Variants in SEL1L3 observed in about 807,000 individuals in gnomAD.
The protein encoded by SEL1L3 is protein sel-1 homolog 3.
SEL1L3 carries 76 observed loss-of-function variants against 142.8 expected under a neutral mutation model. The observed-to-expected ratio is 0.53, with a 90% CI of 0.44 to 0.64. SEL1L3 has a LOEUF of 0.64. Among genes scored for constraint, SEL1L3 ranks in the 30% least tolerant of loss-of-function variants. The pLI, the probability that SEL1L3 is intolerant of heterozygous loss-of-function variation, is 0.00. For synonymous variants in SEL1L3, 504 were observed against 519.6 expected (o/e 0.97, Z 0.41); for missense variants, 1,262 against 1,381.7 (o/e 0.91, Z 1.37).
chr4:25,738,831 A>G, the SEL1L3 span, among the ~76,000 whole-genome samples: 1 of 152,174 alleles, frequency 6.6e-6, no homozygotes, highest in African/African-American at 2.4e-5. Context: ...TGGTCACACT[A>G]ATGCATTTGA....
At chr4:25,737,087 C>T in the SEL1L3 span, among the ~76,000 whole-genome samples, 3 of 151,834 alleles carry the variant, frequency 2.0e-5, no homozygotes, top group African/African-American at 7.3e-5. Flanking sequence ...TGGGTTCAAG[C>T]GATTCTCCCA....
At chr4:25,851,748 G>T (rs530210180) in intron 1 of SEL1L3, among the ~76,000 whole-genome samples, 1 of 151,986 alleles carries the variant, frequency 6.6e-6, no homozygotes, top group Non-Finnish European at 1.5e-5. Context: ...TATTAACCGG[G>T]CGTGGTGGCA....
chr4:25,804,715 A>T lies in SEL1L3; in HGVS notation c.1602T>A (p.Gly534=), dbSNP rs1383921775. ...RNQNESVSEI[G]GKIFEKAVKR... is the part of the protein sequence containing the mutation. ...TTACAGCCTTCTCAAATATCTTCCC[A>T]CCGATTTCTGATACAGATTCATTTT... The change falls in exon 10 of 24, where the codon GGT becomes GGA. Residue 534 remains glycine, a synonymous_variant. Transcript: ENST00000399878. 6.2e-7 allele frequency: 1 copy of T among 1,613,776 alleles called. No individual in the cohort carries two copies. The highest frequency in any genetic ancestry group is 2.2e-5 in the East Asian group (1 of 44,884).
chr4:25,714,115 A>T, the SEL1L3 span, among the ~76,000 whole-genome samples: 2 of 152,104 alleles, frequency 1.3e-5, no homozygotes, highest in Non-Finnish European at 2.9e-5. Flanking sequence ...TTCCAAAAAA[A>T]TTTTAAAATT....
rs1577714403 is a variant in SEL1L3 at position 25,862,812 on chromosome 4, C to T, written c.25G>A (p.Gly9Arg). The T allele has an allele frequency of 1.7e-6, 2 of 1,151,306 alleles. No homozygotes were observed. Among genetic ancestry groups the T allele is most frequent in the Non-Finnish European group, 2.1e-6 (2 of 937,630 alleles). The allele number at this position is 1,151,306 out of a possible 1,614,324, so 71.3% of individuals were successfully genotyped here. A position where few individuals can be genotyped will look rare whatever the true frequency, so the allele number is the denominator to read the frequency against. The stretch of plus-strand genomic sequence containing the variant: ...TGCTGCTGCTGCTGCCGCGGCCACC[C>T]GAGCCCCGCGCCGCGCCGCTGCATG... MQRRGAGL[G>R]WPRQQQQQPP... Residue 9 changes from glycine to arginine, a missense_variant, in exon 1 of 24, where the codon GGG becomes AGG. This residue lies in a region of SEL1L3 where 689 missense variants were observed against 692.8 expected (regional missense o/e 0.99). Transcript: ENST00000399878.
At chr4:25,769,243 G>T (rs536647447) in intron 17 of SEL1L3, among the ~76,000 whole-genome samples, 42 of 152,318 alleles carry the variant, frequency 2.8e-4, no homozygotes, top group African/African-American at 1.0e-3. Context: ...GCTAAAAGCA[G>T]CTTCTGGCAG....
intron 11 of SEL1L3, among the ~76,000 whole-genome samples, chr4:25,796,132 A>T (rs1428789681): frequency 6.6e-6 from 1 of 152,228 alleles, no homozygotes. Flanking sequence ...AGCAAGTCAC[A>T]GGAGGCCCAG....
At chr4:25,793,899 T>C (rs1245389299) in intron 11 of SEL1L3, among the ~76,000 whole-genome samples, 3 of 152,184 alleles carry the variant, frequency 2.0e-5, no homozygotes, top group South Asian at 2.1e-4. Context: ...TGAGATTGTT[T>C]GTCTGACAAA....
intron 12 of SEL1L3, among the ~76,000 whole-genome samples, chr4:25,789,584 C>CAA (rs55852462): frequency 1.6e-5 from 2 of 124,752 alleles, no homozygotes; most frequent in African/African-American, 5.7e-5. Flanking sequence ...GACCCTGAAT[C>CAA]AAAAAAAAAA....
chr4:25,756,105 C>A, intron 23 of SEL1L3: 4 of 985,416 alleles, frequency 4.1e-6, no homozygotes, highest in Non-Finnish European at 4.8e-6. Context: ...CTGACGTGCA[C>A]CCCTTTCACT....
At chr4:25,810,360 A>G (rs922795951) in intron 9 of SEL1L3, among the ~76,000 whole-genome samples, 1 of 152,028 alleles carries the variant, frequency 6.6e-6, no homozygotes, top group African/African-American at 2.4e-5. Flanking sequence ...CCGGACTGCC[A>G]CTGCCATCCC....
downstream of SEL1L3, among the ~76,000 whole-genome samples, chr4:25,745,214 G>T (rs948233782): frequency 3.9e-5 from 6 of 152,018 alleles, no homozygotes; most frequent in African/African-American, 9.7e-5. Context: ...AGCCAACATG[G>T]CGAAAACCCA....
At chr4:25,740,432 C>CAAA in the SEL1L3 span, among the ~76,000 whole-genome samples, 30 of 122,108 alleles carry the variant, frequency 2.5e-4, 1 homozygote, top group African/African-American at 8.9e-4. Context: ...GACTCCATCT[C>CAAA]AAAAAAAAAA....
chr4:25,859,195 C>T (rs184206477), intron 1 of SEL1L3, among the ~76,000 whole-genome samples: 99 of 152,292 alleles, frequency 6.5e-4, no homozygotes, highest in African/African-American at 2.4e-3. Flanking sequence ...GAAAGTTCTG[C>T]GTGGGGCACA....
chr4:25,836,445 G>A (rs574293492), intron 2 of SEL1L3, among the ~76,000 whole-genome samples: 83 of 152,072 alleles, frequency 5.5e-4, no homozygotes, highest in African/African-American at 2.0e-3. Context: ...TCAGGAGATC[G>A]AGACCAGCCT....
At chr4:25,767,353 G>A (rs1314020916) in intron 19 of SEL1L3, among the ~76,000 whole-genome samples, 172 bp downstream of exon 19, 1 of 152,166 alleles carries the variant, frequency 6.6e-6, no homozygotes, top group Non-Finnish European at 1.5e-5. Flanking sequence ...GAGGAGTAGT[G>A]CATTGTGTGA....
chr4:25,812,583 G>A (rs1296753492), intron 9 of SEL1L3, among the ~76,000 whole-genome samples: 3 of 151,808 alleles, frequency 2.0e-5, no homozygotes, highest in South Asian at 2.1e-4. Flanking sequence ...GTGGCTGCAG[G>A]CATCTGTAAT....
chr4:25,750,613 A>G (rs1717533186), intron 23 of SEL1L3, among the ~76,000 whole-genome samples: 1 of 152,204 alleles, frequency 6.6e-6, no homozygotes, highest in African/African-American at 2.4e-5. Flanking sequence ...AACACTCTTC[A>G]GGAGTGGAGA....
rs1406753511 is a variant in SEL1L3 at position 25,779,130 on chromosome 4, T to C, written c.2531A>G (p.Tyr844Cys). The C allele has an allele frequency of 1.1e-5, 17 of 1,613,500 alleles. No individual in the cohort carries two copies. Among genetic ancestry groups the C allele is most frequent in the East Asian group, 2.2e-5 (1 of 44,884 alleles). ...TGTCTCCAGGTTGCCTGTGATATAG[T>C]AGAGAGAACACCACAAGGTCCCTTC... Reference protein sequence around the residue: ...HMEGTLWCSLYYITGNLETFP... With the variant: ...HMEGTLWCSLCYITGNLETFP... The change falls in exon 16 of 24, where the codon TAC becomes TGC. Residue 844 changes from tyrosine (Y) to cysteine (C), a missense_variant. Coordinates refer to ENST00000399878, the MANE Select transcript of SEL1L3 (RefSeq NM_015187.5).
Sources: allele counts gnomAD v4.1 joint callset (sites outside exome capture counted in the v4.1 genomes callset), GRCh38; gene constraint gnomAD v4.1.1; regional missense constraint gnomAD v4.1.1; transcripts MANE v1.5; gene names NCBI Gene and HGNC (gene_info 2026-07-23, HGNC 2026-07-21).